Variants in EIF2S3B observed in about 807,000 individuals in gnomAD.
The protein encoded by EIF2S3B is eukaryotic translation initiation factor 2 subunit gamma B.
A neutral mutation model predicts 26.4 loss-of-function variants in EIF2S3B; 16 were observed. That is an observed-to-expected ratio of 0.61 (90% confidence interval 0.41 to 0.92). The LOEUF (loss-of-function observed/expected upper bound fraction) is 0.92. Ranked by LOEUF, EIF2S3B falls within the 40% of genes least tolerant of loss-of-function variation. EIF2S3B has a pLI of 0.00. For synonymous variants in EIF2S3B, 183 were observed against 204.4 expected (o/e 0.90, Z 0.89); for missense variants, 510 against 575.5 (o/e 0.89, Z 1.16).
Position 10,507,334 on chromosome 12 carries a change from A to C in EIF2S3B, c.*13A>C, listed in dbSNP as rs773766490. On this transcript the variant is annotated 3_prime_UTR_variant, in exon 1 of 1. Transcript: ENST00000538173. The stretch of plus-strand genomic sequence containing the variant: ...AGATGATGACTGAAGAATACCGGTT[A>C]AATAATACATTCGGATGGAGCTGGA... 1 of 1,612,496 alleles carries C rather than the reference A, an allele frequency of 6.2e-7. No homozygotes were observed.
chr12:10,512,974 A>G (rs547439606), downstream of EIF2S3B, among the ~76,000 whole-genome samples: 1 of 152,132 alleles, frequency 6.6e-6, no homozygotes, highest in Non-Finnish European at 1.5e-5. Flanking sequence ...ACTTCTGTTT[A>G]TTTATTTAGT....
rs1864649954 is a variant in EIF2S3B, at chr12:10,507,408, T to C, written c.*87T>C. 5 of 1,461,278 alleles carry C rather than the reference T, an allele frequency of 3.4e-6. No individual in the cohort carries two copies. Among genetic ancestry groups the C allele is most frequent in the African/African-American group, 1.4e-5 (1 of 71,062 alleles). The allele number at this position is 1,461,278 out of a possible 1,614,324, so 90.5% of individuals were successfully genotyped here. ...CAAGGGGTTTATTTTCAAAGCGATATTGGGGAATTGATTTCACAGTTTGTT... is the reference window on the plus strand; with the variant it reads ...CAAGGGGTTTATTTTCAAAGCGATACTGGGGAATTGATTTCACAGTTTGTT... On this transcript the variant is annotated 3_prime_UTR_variant, in exon 1 of 1. Transcript: ENST00000538173.
At chr12:10,523,053 CTT>C (rs1234540824) in exon 2 of EIF2S3B, 2 of 153,268 alleles carry the variant, frequency 1.3e-5, no homozygotes, top group East Asian at 1.9e-4. Context: ...ATAAACTAAA[CTT>C]GACTGTTAAT....
Position 10,506,061 on chromosome 12 carries a change from GAA to G in EIF2S3B, c.161_162del (p.Lys54IlefsTer18), listed in dbSNP as rs1281053861. The G allele has an allele frequency of 3.7e-6, 6 of 1,601,964 alleles. No individual in the cohort carries two copies. In the African/African-American group the frequency reaches 8.0e-5, roughly 21 times the overall value. On this transcript the variant is annotated frameshift_variant, in exon 1 of 1. Transcript: ENST00000538173. LOFTEE classifies it high-confidence loss of function. Reference sequence around the variant, plus strand: ...GTACAATTGGTCATGTAGCTCATGGGAAATCCACAGTCGTCAAAGCTATTTCT... The same window carrying G: ...GTACAATTGGTCATGTAGCTCATGGGATCCACAGTCGTCAAAGCTATTTCT... Reference protein sequence around the residue: ...IGTIGHVAHGKSTVVKAISGV... With the variant: ...IGTIGHVAHGXSTVVKAISGV...
At chr12:10,519,097 G>A (rs1400879909) in intron 1 of EIF2S3B, among the ~76,000 whole-genome samples, 1 of 151,616 alleles carries the variant, frequency 6.6e-6, no homozygotes, top group Non-Finnish European at 1.5e-5. Flanking sequence ...CACGCTACCT[G>A]ACTTCAAACT....
rs985193306 is a variant in EIF2S3B, at chr12:10,518,347, T to C, written c.1309-4256T>C. 1.7e-4 allele frequency among the ~76,000 whole-genome samples: 26 copies of C among 152,174 alleles called. 1 individual carries two copies. The highest frequency in any genetic ancestry group is 2.6e-4 in the Admixed American group (4 of 15,262). On this transcript the variant is annotated intron_variant, in intron 1 of 1. Transcript: ENST00000322446. ...TTAGCTCTTCTTGATCCCTTTACCATTAGGTAATGGCCTTCTTTGTGTCTT... is the reference window on the plus strand; with the variant it reads ...TTAGCTCTTCTTGATCCCTTTACCACTAGGTAATGGCCTTCTTTGTGTCTT...
chr12:10,506,738 C>T lies in EIF2S3B; in HGVS notation c.836C>T (p.Ala279Val), dbSNP rs567841968. 6.8e-4 allele frequency: 1,100 copies of T among 1,613,928 alleles called. 14 individuals are homozygous for T. The South Asian group carries it at 0.011, about 17-fold the overall frequency. ...GTTGATGACCTTAAGGGAGGTGTAG[C>T]TGGTGGTAGTATCCTAAAAGGAGTA... is the stretch of plus-strand genomic sequence containing the variant. ...CEVDDLKGGV[A>V]GGSILKGVLK... Residue 279 changes from alanine (A) to valine (V), a missense_variant, in exon 1 of 1, where the codon GCT (alanine) becomes GTT (valine). Coordinates refer to ENST00000538173, the MANE Select transcript of EIF2S3B (RefSeq NM_001357734.3).
At chr12:10,509,516 G>A (rs7977640), downstream of EIF2S3B, among the ~76,000 whole-genome samples, 5,851 of 151,820 alleles carry the variant, frequency 0.039, 369 homozygotes, top group African/African-American at 0.13. Flanking sequence ...AATTTTTATA[G>A]TTTCTAATTC....
At chr12:10,510,333 A>C (rs1335664810), downstream of EIF2S3B, among the ~76,000 whole-genome samples, 1 of 152,072 alleles carries the variant, frequency 6.6e-6, no homozygotes, top group Non-Finnish European at 1.5e-5. Flanking sequence ...AATTATCCTA[A>C]CTCAGGACAC....
downstream of EIF2S3B, among the ~76,000 whole-genome samples, chr12:10,511,877 T>C (rs56998430): frequency 2.8e-4 from 43 of 152,320 alleles, 1 homozygote; most frequent in East Asian, 7.3e-3. Context: ...AAGCACAGTC[T>C]ATGGCTCTGT....
At chr12:10,518,940 A>G (rs1460035372) in intron 1 of EIF2S3B, among the ~76,000 whole-genome samples, 3 of 152,184 alleles carry the variant, frequency 2.0e-5, no homozygotes, top group African/African-American at 7.2e-5. Context: ...TGCCCAAGGT[A>G]ATTTATAGAT....
In EIF2S3B at chr12:10,506,899, C is replaced by T. The variant is rs112478164; in HGVS notation, c.997C>T (p.Pro333Ser). The part of the protein sequence containing the change: ...AEHNDLQYAA[P>S]GGLIGVGTKI... ...GCATAATGATCTGCAATATGCTGCTCCAGGCGGTCTTATTGGAGTTGGAAC... is the reference window on the plus strand; with the variant it reads ...GCATAATGATCTGCAATATGCTGCTTCAGGCGGTCTTATTGGAGTTGGAAC... Residue 333 changes from proline to serine, a missense_variant, in exon 1 of 1, where the codon CCA becomes TCA. Physicochemically the swap from Pro to Ser is moderately conservative, Grantham distance 74 (BLOSUM62 -1). Transcript: ENST00000538173. 9 of 1,613,692 alleles carry T rather than the reference C, an allele frequency of 5.6e-6. No homozygotes were observed. Among genetic ancestry groups the T allele is most frequent in the African/African-American group, 2.7e-5 (2 of 75,002 alleles).
At chr12:10,518,266 G>C (rs957848054) in intron 1 of EIF2S3B, among the ~76,000 whole-genome samples, 7 of 152,050 alleles carry the variant, frequency 4.6e-5, no homozygotes, top group African/African-American at 1.7e-4. Context: ...GGTCACTCAG[G>C]ACTTGCTTTA....
downstream of EIF2S3B, among the ~76,000 whole-genome samples, chr12:10,511,018 AT>A (rs1864699617): frequency 6.6e-6 from 1 of 152,112 alleles, no homozygotes; most frequent in African/African-American, 2.4e-5. Flanking sequence ...TAGAAAATAG[AT>A]TTGATGAGAA....
chr12:10,513,719 T>G, intron 1 of EIF2S3B, among the ~76,000 whole-genome samples: 1 of 152,160 alleles, frequency 6.6e-6, no homozygotes, highest in East Asian at 1.9e-4. Flanking sequence ...TAATAACATA[T>G]AAGAATCATA....
downstream of EIF2S3B, among the ~76,000 whole-genome samples, chr12:10,511,662 T>C (rs1864705457): frequency 6.6e-6 from 1 of 152,216 alleles, no homozygotes; most frequent in South Asian, 2.1e-4. Flanking sequence ...AGCTGGCTTT[T>C]ACTCCATCTT....
At chr12:10,518,209 G>C (rs1232713748) in intron 1 of EIF2S3B, among the ~76,000 whole-genome samples, 1 of 152,100 alleles carries the variant, frequency 6.6e-6, no homozygotes, top group Non-Finnish European at 1.5e-5. Flanking sequence ...TTGACAGTGG[G>C]GTGTTAAGGT....
At chr12:10,516,499 CTCATAAA>C (rs918352040) in intron 1 of EIF2S3B, among the ~76,000 whole-genome samples, 10 of 151,564 alleles carry the variant, frequency 6.6e-5, no homozygotes, top group African/African-American at 2.4e-4. Context: ...GATCACAAAT[CTCATAAA>C]ATATTACACA....
Position 10,518,720 on chromosome 12 carries a change from C to A in EIF2S3B, c.1309-3883C>A, listed in dbSNP as rs528435486. Among the ~76,000 whole-genome samples, 1,026 of 151,930 alleles carry A rather than the reference C, an allele frequency of 6.8e-3. 10 individuals are homozygous for A. The highest frequency in any genetic ancestry group is 0.023 in the African/African-American group (971 of 41,436). ...AGCATTCTTATACACCAACAACAGA[C>A]AAACAGAGAGCCAAATCATGAGTGA... On this transcript the variant is annotated intron_variant, in intron 1 of 1. Coordinates refer to the EIF2S3B transcript ENST00000322446.
Sources: gnomAD v4.1 joint callset for allele counts (sites outside exome capture counted in the v4.1 genomes callset) on GRCh38, gnomAD v4.1.1 for gene constraint, MANE v1.5 for transcripts, NCBI Gene and HGNC (gene_info 2026-07-23, HGNC 2026-07-21) for gene names.